Variants in DPYSL3 observed in about 807,000 individuals in gnomAD.
The protein encoded by DPYSL3 is dihydropyrimidinase-related protein 3.
Under a neutral mutation model 66.1 loss-of-function variants are expected in DPYSL3, and 16 were observed. The observed-to-expected ratio is 0.24, with a 90% CI of 0.16 to 0.37. The LOEUF (loss-of-function observed/expected upper bound fraction) is 0.37. Ranked by LOEUF, DPYSL3 falls within the 10% of genes least tolerant of loss-of-function variation. DPYSL3 has a pLI of 1.00. For synonymous variants in DPYSL3, 338 were observed against 345.1 expected (o/e 0.98, Z 0.23); for missense variants, 738 against 916.2 (o/e 0.81, Z 2.51).
intron 7 of DPYSL3, 61 bp downstream of exon 7, chr5:147,408,667 G>A (rs1581177611): frequency 1.2e-5 from 18 of 1,560,478 alleles, no homozygotes; most frequent in South Asian, 4.5e-5. Context: ...TCACATTCTC[G>A]TCGCCTTTTA....
At chr5:147,494,247 GT>G (rs1753462705) in intron 1 of DPYSL3, among the ~76,000 whole-genome samples, 1 of 152,100 alleles carries the variant, frequency 6.6e-6, no homozygotes, top group Non-Finnish European at 1.5e-5. Flanking sequence ...TTGAATACAT[GT>G]ATTAAAAAAG....
At chr5:147,472,125 G>A (rs1391780396) in intron 1 of DPYSL3, among the ~76,000 whole-genome samples, 1 of 152,182 alleles carries the variant, frequency 6.6e-6, no homozygotes, top group Admixed American at 6.5e-5. Flanking sequence ...GATACTACTA[G>A]TATAGAGCTC....
chr5:147,416,817 T>C (rs993476524), intron 3 of DPYSL3, among the ~76,000 whole-genome samples: 1 of 152,180 alleles, frequency 6.6e-6, no homozygotes, highest in Non-Finnish European at 1.5e-5. Context: ...ACAATTGAAA[T>C]TGTTAACAAT....
chr5:147,418,384 G>T, intron 3 of DPYSL3, 63 bp downstream of exon 3: 1 of 1,468,772 alleles, frequency 6.8e-7, no homozygotes, highest in Non-Finnish European at 9.2e-7. Context: ...GAGTTCTGGA[G>T]ATAACACATT....
At chr5:147,398,275 C>T (rs540376684) in intron 11 of DPYSL3, among the ~76,000 whole-genome samples, 10 of 152,088 alleles carry the variant, frequency 6.6e-5, no homozygotes, top group Non-Finnish European at 1.5e-4. Flanking sequence ...GGGATTTCTC[C>T]CTACCTCCTT....
At chr5:147,459,601 A>G (rs930576549) in intron 1 of DPYSL3, among the ~76,000 whole-genome samples, 3 of 143,316 alleles carry the variant, frequency 2.1e-5, no homozygotes, top group Non-Finnish European at 4.6e-5. Context: ...CACATAAACC[A>G]AAAAAAAAAA....
chr5:147,503,476 T>C (rs368813842), intron 1 of DPYSL3, among the ~76,000 whole-genome samples: 1 of 152,260 alleles, frequency 6.6e-6, no homozygotes, highest in African/African-American at 2.4e-5. Flanking sequence ...AAATTATTTT[T>C]AGAGACCAAG....
rs934497072 is a variant in DPYSL3, at chr5:147,509,077, G to C, written c.381+401C>G. Among the ~76,000 whole-genome samples, 9 of 152,160 alleles carry C rather than the reference G, an allele frequency of 5.9e-5. No homozygotes were observed. The highest frequency in any genetic ancestry group is 2.2e-4 in the African/African-American group (9 of 41,440). ...CTTTGCCCTCTGCCGTGGTGACCCG[G>C]GTTGAGATTTAATCTAGGGCCAGAG... On this transcript the variant is annotated intron_variant, in intron 1 of 13. Coordinates refer to ENST00000343218, the MANE Select transcript of DPYSL3 (RefSeq NM_001197294.2). The surrounding 1 kb of genome is among the most constrained non-coding windows in gnomAD (Gnocchi z 5.3).
chr5:147,439,365 T>C, intron 1 of DPYSL3, among the ~76,000 whole-genome samples: 1 of 133,896 alleles, frequency 7.5e-6, no homozygotes, highest in Non-Finnish European at 1.6e-5. Context: ...GTGAATAATC[T>C]GAGTCCTAGG....
chr5:147,412,550 TGAA>T (rs1581179547), intron 6 of DPYSL3, 55 bp downstream of exon 6: 4 of 1,525,748 alleles, frequency 2.6e-6, no homozygotes, highest in Non-Finnish European at 3.6e-6. Flanking sequence ...ACTGAAGAAA[TGAA>T]GAAGAAAATG....
intron 1 of DPYSL3, among the ~76,000 whole-genome samples, chr5:147,475,004 T>G (rs1753136884): frequency 1.3e-5 from 2 of 152,032 alleles, no homozygotes; most frequent in Non-Finnish European, 2.9e-5. Flanking sequence ...CTGGTTGGAA[T>G]GAAACATGGT....
At chr5:147,488,524 C>A (rs1377860053) in intron 1 of DPYSL3, among the ~76,000 whole-genome samples, 1 of 152,146 alleles carries the variant, frequency 6.6e-6, no homozygotes, top group Non-Finnish European at 1.5e-5. Context: ...CATTACCAGC[C>A]TGGGCAACAT....
At chr5:147,400,623 G>T in intron 10 of DPYSL3, 69 bp downstream of exon 10, 1 of 1,559,790 alleles carries the variant, frequency 6.4e-7, no homozygotes, top group Non-Finnish European at 8.7e-7. Context: ...CCAACTGGTG[G>T]CAGGAGGTTC....
chr5:147,489,895 C>A (rs1277210289), intron 1 of DPYSL3, among the ~76,000 whole-genome samples: 1 of 151,728 alleles, frequency 6.6e-6, no homozygotes, highest in Non-Finnish European at 1.5e-5. Flanking sequence ...TACCATTATA[C>A]AATATACTAG....
Position 147,397,638 on chromosome 5 carries a change from ACCAC to A in DPYSL3, c.1803+24_1803+27del, listed in dbSNP as rs749629540. On this transcript the variant is annotated intron_variant, in intron 12 of 13. Transcript: ENST00000343218. ...CGTGAGTGGAACACAAAGCTCCTGC[ACCAC>A]CTCAGAGCTCCAATGCTTTTTACCT... 12 of 1,602,588 alleles carry A rather than the reference ACCAC, an allele frequency of 7.5e-6. 1 individual carries two copies. Among genetic ancestry groups the A allele is most frequent in the Middle Eastern group, 1.7e-4 (1 of 6,044 alleles).
At chr5:147,419,526 A>T (rs1752039955) in intron 2 of DPYSL3, among the ~76,000 whole-genome samples, 1 of 152,212 alleles carries the variant, frequency 6.6e-6, no homozygotes, top group South Asian at 2.1e-4. Flanking sequence ...TTTTGATTAA[A>T]ATAGCTGGTT....
chr5:147,446,804 T>A (rs1250047682), intron 1 of DPYSL3, among the ~76,000 whole-genome samples: 1 of 152,218 alleles, frequency 6.6e-6, no homozygotes, highest in African/African-American at 2.4e-5. Context: ...GACACACAAC[T>A]CACTTGTTGT....
At chr5:147,429,575 T>G (rs1752269795) in intron 1 of DPYSL3, among the ~76,000 whole-genome samples, 1 of 152,192 alleles carries the variant, frequency 6.6e-6, no homozygotes, top group Non-Finnish European at 1.5e-5. Flanking sequence ...TGAATGTTTT[T>G]AAGCCTTAAG....
chr5:147,447,941 A>C (rs1180960673), intron 1 of DPYSL3, among the ~76,000 whole-genome samples: 1 of 152,222 alleles, frequency 6.6e-6, no homozygotes. Flanking sequence ...GATTTCATCA[A>C]AGGATGAAAA....
Sources: allele counts gnomAD v4.1 joint callset (sites outside exome capture counted in the v4.1 genomes callset), GRCh38; gene constraint gnomAD v4.1.1; non-coding constraint Gnocchi (gnomAD v3.1); transcripts MANE v1.5; gene names NCBI Gene and HGNC (gene_info 2026-07-23, HGNC 2026-07-21).